Variants in NEGR1 observed in about 807,000 individuals in gnomAD.
NEGR1 encodes the protein IgLON family member 4.
Under a neutral mutation model 40.9 loss-of-function variants are expected in NEGR1, and 10 were observed. The ratio of observed to expected loss-of-function variants is 0.24; its 90% CI spans 0.15 to 0.42. The LOEUF is 0.42. Ranked by LOEUF, NEGR1 falls within the 10% of genes least tolerant of loss-of-function variation. The pLI is 1.00. For missense variants in NEGR1, 352 were observed against 438.9 expected (o/e 0.80, Z 1.77); for synonymous variants, 185 against 166.8 (o/e 1.11, Z -0.84).
At chr1:71,564,931 G>A (rs1022851742) in intron 6 of NEGR1, among the ~76,000 whole-genome samples, 1 of 151,994 alleles carries the variant, frequency 6.6e-6, no homozygotes, top group Non-Finnish European at 1.5e-5. Context: ...TGCAGTGTAG[G>A]GTTCATCCTT....
At chr1:71,775,432 G>C (rs1214412773) in intron 3 of NEGR1, among the ~76,000 whole-genome samples, 2 of 149,564 alleles carry the variant, frequency 1.3e-5, no homozygotes, top group African/African-American at 4.9e-5. Flanking sequence ...TGCAACCTCT[G>C]CCTCCTGGGT....
chr1:72,114,015 C>T (rs1649486516), intron 1 of NEGR1, among the ~76,000 whole-genome samples: 1 of 151,578 alleles, frequency 6.6e-6, no homozygotes, highest in African/African-American at 2.4e-5. Context: ...ATCATAAAAC[C>T]ATATAGCTTA....
intron 3 of NEGR1, among the ~76,000 whole-genome samples, chr1:71,750,195 T>A (rs1383350307): frequency 6.6e-6 from 1 of 151,946 alleles, no homozygotes; most frequent in Non-Finnish European, 1.5e-5. Context: ...GGGTTTCACC[T>A]TGTTAACCAG....
intron 1 of NEGR1, among the ~76,000 whole-genome samples, chr1:72,075,829 T>C (rs903403019): frequency 1.3e-5 from 2 of 152,188 alleles, no homozygotes; most frequent in African/African-American, 4.8e-5. Flanking sequence ...AGAGCATCAG[T>C]TCCGTTCCTG....
chr1:71,692,937 T>C (rs1653343536), intron 4 of NEGR1, among the ~76,000 whole-genome samples: 2 of 151,782 alleles, frequency 1.3e-5, no homozygotes, highest in Admixed American at 6.6e-5. Context: ...TGATACCAAA[T>C]AAAATGGTCA....
chr1:71,761,896 G>T (rs181348777), intron 3 of NEGR1, among the ~76,000 whole-genome samples: 1 of 152,062 alleles, frequency 6.6e-6, no homozygotes, highest in African/African-American at 2.4e-5. Context: ...AAATATAAAA[G>T]ATAGGTAAAT....
intron 1 of NEGR1, among the ~76,000 whole-genome samples, chr1:72,159,338 T>C (rs1651472796): frequency 6.6e-6 from 1 of 152,126 alleles, no homozygotes; most frequent in East Asian, 1.9e-4. Flanking sequence ...ACGTAAGTCT[T>C]GGTTGATTAA....
intron 3 of NEGR1, among the ~76,000 whole-genome samples, chr1:71,713,924 TATGTG>T (rs1654187738): frequency 6.6e-6 from 1 of 152,240 alleles, no homozygotes; most frequent in Non-Finnish European, 1.5e-5. Flanking sequence ...GCAGTGGGTT[TATGTG>T]ATCTGGGGCA....
intron 1 of NEGR1, among the ~76,000 whole-genome samples, chr1:72,215,618 T>A (rs1262602480): frequency 6.6e-6 from 1 of 152,134 alleles, no homozygotes; most frequent in Non-Finnish European, 1.5e-5. Context: ...AAGCTCATCA[T>A]CACTGGTCAT....
intron 4 of NEGR1, among the ~76,000 whole-genome samples, chr1:71,635,036 A>G (rs1037014861): frequency 1.4e-4 from 21 of 152,088 alleles, no homozygotes; most frequent in African/African-American, 4.6e-4. Context: ...ATGAAATAGA[A>G]GGAATCCAGA....
intron 1 of NEGR1, among the ~76,000 whole-genome samples, chr1:72,046,614 AG>A (rs1223474084): frequency 2.6e-5 from 4 of 151,644 alleles, no homozygotes; most frequent in Non-Finnish European, 5.9e-5. Flanking sequence ...TTAAATCTTT[AG>A]TTATTTTGAC....
intron 2 of NEGR1, among the ~76,000 whole-genome samples, chr1:71,908,529 C>A (rs946909808): frequency 6.6e-6 from 1 of 152,128 alleles, no homozygotes; most frequent in African/African-American, 2.4e-5. Flanking sequence ...CGTCAGAAGG[C>A]AGACCACTCA....
intron 3 of NEGR1, among the ~76,000 whole-genome samples, chr1:71,763,769 GTGTC>G (rs774350638): frequency 4.7e-5 from 7 of 148,078 alleles, no homozygotes; most frequent in African/African-American, 1.3e-4. Flanking sequence ...GTGTGTGTGT[GTGTC>G]TGTGTGTGTG....
intron 3 of NEGR1, among the ~76,000 whole-genome samples, chr1:71,715,008 C>G (rs1466371092): frequency 6.6e-6 from 1 of 152,236 alleles, no homozygotes. Context: ...GGCTCTGGCC[C>G]TGCAGTAAAC....
At chr1:71,614,238 CACAA>C (rs1274452674) in intron 4 of NEGR1, among the ~76,000 whole-genome samples, 1 of 151,738 alleles carries the variant, frequency 6.6e-6, no homozygotes, top group Non-Finnish European at 1.5e-5. Flanking sequence ...CACACATATA[CACAA>C]ACACACACCC....
chr1:71,481,594 T>TA (rs1646854243), intron 6 of NEGR1, among the ~76,000 whole-genome samples: 1 of 151,886 alleles, frequency 6.6e-6, no homozygotes, highest in African/African-American at 2.4e-5. Context: ...TTTATACGAA[T>TA]AGTCTAGATT....
At chr1:71,695,060 A>G (rs566854990) in intron 4 of NEGR1, among the ~76,000 whole-genome samples, 1 of 151,878 alleles carries the variant, frequency 6.6e-6, no homozygotes, top group African/African-American at 2.4e-5. Flanking sequence ...CCTCTGGAAA[A>G]TCAGCTCAGC....
At chr1:71,991,645 A>G (rs1193765717) in intron 1 of NEGR1, among the ~76,000 whole-genome samples, 1 of 151,770 alleles carries the variant, frequency 6.6e-6, no homozygotes, top group East Asian at 1.9e-4. Context: ...ACTCTAACTG[A>G]TATCTGCTTA....
intron 5 of NEGR1, among the ~76,000 whole-genome samples, chr1:71,600,787 G>A (rs1433135616): frequency 6.6e-6 from 1 of 152,168 alleles, no homozygotes; most frequent in East Asian, 1.9e-4. Context: ...ACACCGACAG[G>A]CTTCATACAT....
Sources: allele counts gnomAD v4.1 joint callset (sites outside exome capture counted in the v4.1 genomes callset), GRCh38; gene constraint gnomAD v4.1.1; transcripts MANE v1.5; gene names NCBI Gene and HGNC (gene_info 2026-07-23, HGNC 2026-07-21).